Variants in GNAO1 observed in about 807,000 individuals in gnomAD.
GNAO1 encodes guanine nucleotide-binding protein G(o) subunit alpha.
For synonymous variants in GNAO1, 164 were observed against 180.7 expected, an observed-to-expected ratio of 0.91 and a Z score of 0.74; for missense variants, 166 against 478.7, an observed-to-expected ratio of 0.35 and a Z score of 6.10.
chr16:56,264,645 CT>C (rs1445981634), intron 2 of GNAO1, among the ~76,000 whole-genome samples: 2 of 151,908 alleles, frequency 1.3e-5, no homozygotes, highest in Non-Finnish European at 2.9e-5. Flanking sequence ...CTGATTTTGC[CT>C]GTTACTATTA....
chr16:56,324,264 T>C (rs2037607055), intron 3 of GNAO1, among the ~76,000 whole-genome samples: 1 of 152,186 alleles, frequency 6.6e-6, no homozygotes, highest in African/African-American at 2.4e-5. Flanking sequence ...GTCTTGAGTG[T>C]CCTCCTACAA....
At chr16:56,305,733 C>T (rs530170383) in intron 3 of GNAO1, among the ~76,000 whole-genome samples, 3 of 152,288 alleles carry the variant, frequency 2.0e-5, no homozygotes, top group South Asian at 4.1e-4. Context: ...AAAGCATAAT[C>T]ACAGTTCTGA....
intron 6 of GNAO1, chr16:56,345,061 T>TC (rs781526720): frequency 3.8e-4 from 375 of 985,406 alleles, no homozygotes; most frequent in Non-Finnish European, 4.1e-4. Context: ...CACCCCCCTG[T>TC]CCCCAACTCT....
At chr16:56,245,421 C>T (rs1481642759) in intron 2 of GNAO1, 6 of 154,766 alleles carry the variant, frequency 3.9e-5, no homozygotes, top group African/African-American at 1.4e-4. Flanking sequence ...GTGGTGTGCC[C>T]TCAGGCAGTC....
At chr16:56,224,353 A>G (rs2036516194) in intron 2 of GNAO1, among the ~76,000 whole-genome samples, 1 of 151,930 alleles carries the variant, frequency 6.6e-6, no homozygotes. Context: ...GCTTCTCTAG[A>G]CCTCCTTAGG....
intron 3 of GNAO1, among the ~76,000 whole-genome samples, chr16:56,315,384 T>G (rs991541578): frequency 4.6e-5 from 7 of 152,184 alleles, no homozygotes; most frequent in Non-Finnish European, 1.0e-4. Context: ...TTTTAGTTCT[T>G]TTTTCCTCTT....
intron 3 of GNAO1, among the ~76,000 whole-genome samples, chr16:56,287,782 G>C (rs139675970): frequency 5.9e-5 from 9 of 152,254 alleles, no homozygotes; most frequent in African/African-American, 2.2e-4. Flanking sequence ...GGCTTTGCAG[G>C]AGTGGAGCTG....
intron 2 of GNAO1, among the ~76,000 whole-genome samples, chr16:56,208,624 T>C (rs1011045384): frequency 6.6e-6 from 1 of 152,198 alleles, no homozygotes; most frequent in Non-Finnish European, 1.5e-5. Flanking sequence ...TATTATAAAT[T>C]CTTGCTGCCA....
chr16:56,340,947 C>A, intron 6 of GNAO1: 2 of 1,613,996 alleles, frequency 1.2e-6, no homozygotes, highest in Non-Finnish European at 1.7e-6. Flanking sequence ...AAGAGAAGAT[C>A]AAGAAGTCCC....
At chr16:56,275,516 T>C (rs760357514) in intron 2 of GNAO1, among the ~76,000 whole-genome samples, 8 of 152,212 alleles carry the variant, frequency 5.3e-5, no homozygotes, top group South Asian at 4.1e-4. Context: ...GAAAGAAAAA[T>C]GCATCATCCA....
intron 2 of GNAO1, among the ~76,000 whole-genome samples, chr16:56,249,856 T>TA (rs2036783787): frequency 6.6e-6 from 1 of 152,172 alleles, no homozygotes; most frequent in Admixed American, 6.5e-5. Flanking sequence ...GACTGGCCCT[T>TA]ACGCTGGACA....
At chr16:56,205,647 C>G (rs1321913442) in intron 2 of GNAO1, among the ~76,000 whole-genome samples, 1 of 152,294 alleles carries the variant, frequency 6.6e-6, no homozygotes, top group East Asian at 1.9e-4. Context: ...TCCCTGTCTT[C>G]TTTGGTGTGG....
intron 2 of GNAO1, among the ~76,000 whole-genome samples, chr16:56,240,475 G>T (rs1296931296): frequency 1.3e-5 from 2 of 152,146 alleles, no homozygotes; most frequent in South Asian, 2.1e-4. Context: ...CTTGGTTTTT[G>T]AACCATGGTG....
At chr16:56,324,219 C>G (rs2037606404) in intron 3 of GNAO1, among the ~76,000 whole-genome samples, 1 of 152,240 alleles carries the variant, frequency 6.6e-6, no homozygotes, top group Non-Finnish European at 1.5e-5. Context: ...CATGGGAGCA[C>G]AGTAGCTTTG....
chr16:56,295,955 C>A (rs1331288620), intron 3 of GNAO1, among the ~76,000 whole-genome samples: 2 of 152,240 alleles, frequency 1.3e-5, no homozygotes, highest in African/African-American at 4.8e-5. Flanking sequence ...GCAGTTAATT[C>A]TCTTCCCGTA....
chr16:56,330,534 T>A (rs1192429002), intron 4 of GNAO1, among the ~76,000 whole-genome samples: 1 of 151,884 alleles, frequency 6.6e-6, no homozygotes, highest in East Asian at 1.9e-4. Context: ...ATCTTCCTAC[T>A]CCCCCCACCA....
chr16:56,345,956 T>C (rs1357963370), intron 6 of GNAO1: 5 of 985,390 alleles, frequency 5.1e-6, no homozygotes, highest in Non-Finnish European at 6.0e-6. Context: ...GCAGCCGCCC[T>C]CAGAACACAG....
intron 2 of GNAO1, among the ~76,000 whole-genome samples, chr16:56,240,703 T>C (rs2036686359): frequency 6.6e-6 from 1 of 152,068 alleles, no homozygotes; most frequent in South Asian, 2.1e-4. Flanking sequence ...AATTGGTTGG[T>C]CTTAGATTTC....
In GNAO1 at chr16:56,329,173, T is replaced by C. The variant is rs181285774; in HGVS notation, c.464+382T>C. ...AATACAAACCAAAACAACAGCCATA[T>C]AGGCAGAAAAGAAATGGTGCCATTT... is the stretch of plus-strand genomic sequence containing the variant. On this transcript the variant is annotated intron_variant, in intron 4 of 8. Transcript: ENST00000262493. 1.4e-4 allele frequency: 24 copies of C among 171,456 alleles called. No individual in the cohort carries two copies. In the East Asian group the frequency reaches 3.5e-3, roughly 25 times the overall value. 10.6% of individuals were successfully genotyped at this position (171,456 alleles called of 1,614,324 possible). A position where few individuals can be genotyped will look rare whatever the true frequency, so the allele number is the denominator to read the frequency against.
Sources: allele counts gnomAD v4.1 joint callset (sites outside exome capture counted in the v4.1 genomes callset), GRCh38; gene constraint gnomAD v4.1.1; transcripts MANE v1.5; gene names NCBI Gene and HGNC (gene_info 2026-07-23, HGNC 2026-07-21).